The following IDH3A variants were observed in gnomAD, a reference collection of about 807,000 sequenced individuals.
IDH3A encodes isocitrate dehydrogenase [NAD] subunit alpha, mitochondrial.
A neutral mutation model predicts 43.3 loss-of-function variants in IDH3A; 23 were observed. The ratio of observed to expected loss-of-function variants is 0.53; its 90% CI spans 0.38 to 0.75. The LOEUF (loss-of-function observed/expected upper bound fraction) is 0.75. IDH3A is among the 30% of genes least tolerant of loss of function. IDH3A has a pLI of 0.00. For missense variants in IDH3A, 329 were observed against 474.4 expected, an observed-to-expected ratio of 0.69 and a Z score of 2.85; for synonymous variants, 154 against 163.5, an observed-to-expected ratio of 0.94 and a Z score of 0.44.
At position 78,158,448 on chromosome 15, in the gene IDH3A, C is replaced by CACATATAT. The variant is rs763962799; in HGVS notation, c.174+818_174+819insCATATATA. Among the ~76,000 whole-genome samples the CACATATAT allele has an allele frequency of 2.5e-4, 7 of 28,212 alleles. 1 individual carries two copies. Among genetic ancestry groups the CACATATAT allele is most frequent in the African/African-American group, 1.1e-3 (7 of 6,386 alleles). 18.5% of individuals were successfully genotyped at this position (28,212 alleles called of 152,430 possible). A position where few individuals can be genotyped will look rare whatever the true frequency, so the allele number is the denominator to read the frequency against. On this transcript the variant is annotated intron_variant, in intron 3 of 10. Transcript: ENST00000299518. ...TCATAGGTTATGCAATACATACATA[C>CACATATAT]ATATATATATATATATTTTTTTTTT...
chr15:78,160,582 C>G (rs1348331676), intron 4 of IDH3A, among the ~76,000 whole-genome samples: 2 of 149,190 alleles, frequency 1.3e-5, no homozygotes, highest in African/African-American at 4.9e-5. Flanking sequence ...GCCTTGACCT[C>G]CTGAGCTCAA....
chr15:78,155,315 T>G (rs1325679910), intron 2 of IDH3A, 40 bp downstream of exon 2: 1 of 1,389,998 alleles, frequency 7.2e-7, no homozygotes, highest in African/African-American at 1.4e-5. Flanking sequence ...CTTTTAGAAG[T>G]TTCTCAAGAA....
At chr15:78,157,150 C>G (rs373279311) in intron 2 of IDH3A, 2 of 1,101,470 alleles carry the variant, frequency 1.8e-6, no homozygotes, top group Admixed American at 4.7e-5. Flanking sequence ...CATGAGAAAC[C>G]GTCTAAATTT....
In IDH3A at chr15:78,163,707, TCCTTGTAGATGGTA is replaced by T; in HGVS notation, c.715-7_721del. The T allele has an allele frequency of 1.2e-6, 2 of 1,609,730 alleles. No individual in the cohort carries two copies. Among genetic ancestry groups the T allele is most frequent in the Non-Finnish European group, 8.5e-7 (1 of 1,176,028 alleles). ...TTGATTACTAAATGCACAAATGTAT[TCCTTGTAGATGGTA>T]CAAGATCCTTCCCAATTTGATGTTC... is the stretch of plus-strand genomic sequence containing the variant. On this transcript the variant is annotated splice_acceptor_variant and splice_polypyrimidine_tract_variant and coding_sequence_variant and intron_variant, in exon 8 of 11. Coordinates refer to ENST00000299518, the MANE Select transcript of IDH3A (RefSeq NM_005530.3). LOFTEE classifies it high-confidence loss of function.
At chr15:78,157,317 G>T in intron 2 of IDH3A, 1 of 689,406 alleles carries the variant, frequency 1.5e-6, no homozygotes, top group Non-Finnish European at 2.2e-6. Context: ...AGTATCATTT[G>T]GTTCTTTTTA....
intron 2 of IDH3A, chr15:78,157,053 G>A: frequency 8.3e-7 from 1 of 1,207,426 alleles, no homozygotes; most frequent in South Asian, 1.5e-5. Context: ...TTTTGGAAAT[G>A]TGTCTGAAAA....
intron 3 of IDH3A, among the ~76,000 whole-genome samples, chr15:78,158,458 TA>T: frequency 2.7e-5 from 2 of 74,052 alleles, no homozygotes; most frequent in African/African-American, 4.5e-5. Flanking sequence ...CATATATATA[TA>T]TATATTTTTT....
At position 78,162,385 on chromosome 15, in the gene IDH3A, G is replaced by GC. The variant is rs759017143; in HGVS notation, c.611+20dup. 4.3e-6 allele frequency: 7 copies of GC among 1,611,514 alleles called. No individual in the cohort carries two copies. In the East Asian group the frequency reaches 1.6e-4, roughly 36 times the overall value. ...AACATCATGTGAGCTCCTTGCGGGG[G>GC]CCGGCACCCCATCTTGCTTTGTTGT... On this transcript the variant is annotated intron_variant, in intron 6 of 10. Transcript: ENST00000299518.
intron 6 of IDH3A, 129 bp downstream of exon 6, chr15:78,162,496 C>T (rs534426322): frequency 1.1e-6 from 1 of 947,080 alleles, no homozygotes; most frequent in African/African-American, 1.6e-5. Flanking sequence ...TTGTAACAAT[C>T]CAAAGATACG....
chr15:78,156,963 A>G (rs1170202343), intron 2 of IDH3A: 1 of 1,348,652 alleles, frequency 7.4e-7, no homozygotes, highest in Non-Finnish European at 9.8e-7. Context: ...ACAGTTTTAT[A>G]GAGGAACTAA....
intron 1 of IDH3A, among the ~76,000 whole-genome samples, chr15:78,149,784 C>T (rs1476775332): frequency 1.3e-5 from 2 of 152,272 alleles, no homozygotes; most frequent in Non-Finnish European, 2.9e-5. Context: ...GAGCCTCTGT[C>T]CCGGCTCCGC....
chr15:78,158,918 C>T (rs1194244622), intron 3 of IDH3A, among the ~76,000 whole-genome samples: 1 of 151,870 alleles, frequency 6.6e-6, no homozygotes, highest in Admixed American at 6.6e-5. Flanking sequence ...CTGCAACCTC[C>T]GTCTCCCAGG....
In IDH3A at chr15:78,161,547, T is replaced by C. The variant is rs772263248; in HGVS notation, c.290-34T>C. The C allele has an allele frequency of 2.5e-6, 4 of 1,587,772 alleles. No individual in the cohort carries two copies. The highest frequency in any genetic ancestry group is 2.2e-5 in the South Asian group (2 of 90,104). On this transcript the variant is annotated intron_variant, in intron 4 of 10. Transcript: ENST00000299518. The surrounding 1 kb of genome is among the most constrained non-coding windows in gnomAD (Gnocchi z 4.8). ...GGTCACACGTGAGACCAGAATTCCT[T>C]CTAGTGTCATCTGGGTTTTCTTCTG...
Position 78,162,227 on chromosome 15 carries a change from C to G in IDH3A, c.478-7C>G, listed in dbSNP as rs768298014. Reference sequence around the variant, plus strand: ...TTTCCAGCAAGGTGGGACTTCCTGTCTTGCAGATTGTTGATGGAGTCGTGC... The same window carrying G: ...TTTCCAGCAAGGTGGGACTTCCTGTGTTGCAGATTGTTGATGGAGTCGTGC... On this transcript the variant is annotated splice_region_variant and splice_polypyrimidine_tract_variant and intron_variant, in intron 5 of 10. Coordinates refer to ENST00000299518, the MANE Select transcript of IDH3A (RefSeq NM_005530.3). 20 of 1,614,014 alleles carry G rather than the reference C, an allele frequency of 1.2e-5. No individual in the cohort carries two copies. Among genetic ancestry groups the G allele is most frequent in the Non-Finnish European group, 1.6e-5 (19 of 1,180,002 alleles).
At chr15:78,163,988 G>A (rs2074710308) in intron 8 of IDH3A, among the ~76,000 whole-genome samples, 1 of 152,042 alleles carries the variant, frequency 6.6e-6, no homozygotes. Flanking sequence ...TCATTGCTGG[G>A]CTCTTTCTCC....
chr15:78,171,532 A>G lies in IDH3A; in HGVS notation c.*2527A>G. The G allele has an allele frequency of 6.2e-7, 1 of 1,613,382 alleles. No individual in the cohort carries two copies. The highest frequency in any genetic ancestry group is 8.5e-7 in the Non-Finnish European group (1 of 1,179,362). On this transcript the variant is annotated 3_prime_UTR_variant, in exon 11 of 11. Transcript: ENST00000299518. ...CCGTTTCAGTTTCATCGTGGGACCT[A>G]AAAGGGAAATGAGAAGAAATGAGTG...
At chr15:78,163,441 C>T in intron 6 of IDH3A, 66 bp from the exon 7 acceptor site, 1 of 1,151,184 alleles carries the variant, frequency 8.7e-7, no homozygotes, top group South Asian at 1.4e-5. Flanking sequence ...TACTTTACTT[C>T]TTTGATTTGA....
At chr15:78,168,390 G>A (rs1190819520) in intron 10 of IDH3A, 2 of 152,142 alleles carry the variant, frequency 1.3e-5, no homozygotes, top group South Asian at 4.1e-4. Context: ...TCAGGACGCT[G>A]AGGCAGGAGA....
At chr15:78,167,576 C>T (rs2074760924) in intron 10 of IDH3A, 1 of 152,226 alleles carries the variant, frequency 6.6e-6, no homozygotes, top group Non-Finnish European at 1.5e-5. Flanking sequence ...AGTACATTCA[C>T]ATTGTAATGT....
Sources: allele counts gnomAD v4.1 joint callset (sites outside exome capture counted in the v4.1 genomes callset), GRCh38; gene constraint gnomAD v4.1.1; non-coding constraint Gnocchi (gnomAD v3.1); transcripts MANE v1.5; gene names NCBI Gene and HGNC (gene_info 2026-07-23, HGNC 2026-07-21).